Variants in ZNHIT3 observed in about 807,000 individuals in gnomAD.
ZNHIT3 encodes the protein zinc finger HIT domain-containing protein 3.
In ZNHIT3, 27 loss-of-function variants were observed where a neutral mutation model predicts 19.9. The observed-to-expected ratio is 1.36, with a 90% confidence interval of 1.00 to 1.87. The LOEUF is 1.87. Among genes scored for constraint, ZNHIT3 ranks in the 40% most tolerant of loss-of-function variants. The probability of loss-of-function intolerance (pLI) is 0.00; values close to 1 mark genes in which losing one functional copy is unlikely to be tolerated. For synonymous variants in ZNHIT3, 81 were observed against 65.7 expected (o/e 1.23, Z -1.13); for missense variants, 215 against 185.6 (o/e 1.16, Z -0.92).
chr17:36,487,342 CTAACTT>C (rs1432351697), intron 2 of ZNHIT3, among the ~76,000 whole-genome samples: 2 of 152,224 alleles, frequency 1.3e-5, no homozygotes, highest in Non-Finnish European at 2.9e-5. Context: ...TGAAACTGCG[CTAACTT>C]TAACAGTATT....
chr17:36,498,003 GGA>G, downstream of ZNHIT3: 1 of 478,858 alleles, frequency 2.1e-6, no homozygotes, highest in Admixed American at 3.6e-5. Flanking sequence ...CATTGCATTT[GGA>G]AATGGGACTA....
intron 2 of ZNHIT3, among the ~76,000 whole-genome samples, chr17:36,488,655 A>T (rs1013923173): frequency 2.2e-5 from 3 of 134,872 alleles, no homozygotes; most frequent in African/African-American, 7.3e-5. Context: ...CATTATTTAT[A>T]TAAAGCCTCC....
downstream of ZNHIT3, chr17:36,498,092 C>A: frequency 3.1e-6 from 2 of 637,968 alleles, no homozygotes; most frequent in Non-Finnish European, 5.1e-6. Context: ...CCAGTTATAA[C>A]AAAATAAATA....
In ZNHIT3 at chr17:36,495,352, TTGCAGAC is replaced by T. The variant is rs2070880575; in HGVS notation, c.420_426del (p.Asp141ValfsTer2). The T allele has an allele frequency of 6.2e-7, 1 of 1,612,832 alleles. No homozygotes were observed. Among genetic ancestry groups the T allele is most frequent in the Admixed American group, 1.7e-5 (1 of 59,568 alleles). On this transcript the variant is annotated frameshift_variant, in exon 5 of 5. Transcript: ENST00000617429. LOFTEE classifies it high-confidence loss of function. ...ATGCAAGAGCCTTTGTTTGTGGAGT[TTGCAGAC>T]TGCTGTTTAGGAATTGTGGAGCCAT...
chr17:36,495,099 A>G, intron 4 of ZNHIT3, 124 bp from the exon 5 acceptor site: 2 of 1,217,838 alleles, frequency 1.6e-6, no homozygotes, highest in Non-Finnish European at 2.2e-6. Context: ...TGCTGGTATT[A>G]CAGGCATGAG....
At chr17:36,487,225 C>A (rs56072450) in intron 2 of ZNHIT3, among the ~76,000 whole-genome samples, 31 of 152,110 alleles carry the variant, frequency 2.0e-4, no homozygotes, top group African/African-American at 2.4e-5. Flanking sequence ...TCTCCTTCTG[C>A]GTGTTACTCT....
Position 36,495,547 on chromosome 17 carries a change from C to G in ZNHIT3, c.*143C>G. 1 of 1,336,942 alleles carries G rather than the reference C, an allele frequency of 7.5e-7. No homozygotes were observed. Among genetic ancestry groups the G allele is most frequent in the Non-Finnish European group, 9.5e-7 (1 of 1,047,176 alleles). The allele number at this position is 1,336,942 out of a possible 1,614,324, so 82.8% of individuals were successfully genotyped here. On this transcript the variant is annotated 3_prime_UTR_variant, in exon 5 of 5. Coordinates refer to ENST00000617429, the MANE Select transcript of ZNHIT3 (RefSeq NM_004773.4). ...GCAGATTAGGTCATGCAGGCCTTTA[C>G]CGGCATTGATGTGGCTCATGTTTCA...
downstream of ZNHIT3, chr17:36,498,943 G>T: frequency 1.5e-6 from 1 of 680,788 alleles, no homozygotes; most frequent in Non-Finnish European, 2.6e-6. Context: ...TGAGGAATAT[G>T]AGGCTCAGAG....
chr17:36,486,908 C>T (rs1423242383), intron 1 of ZNHIT3, 27 bp from the exon 2 acceptor site: 13 of 1,603,056 alleles, frequency 8.1e-6, no homozygotes, highest in Non-Finnish European at 1.1e-5. Context: ...TCGGGGCTGA[C>T]GCGGCCTGTG....
rs1196765887 is a variant in ZNHIT3 at position 36,492,809 on chromosome 17, T to C, written c.119-4T>C. On this transcript the variant is annotated splice_region_variant and splice_polypyrimidine_tract_variant and intron_variant, in intron 2 of 4. Transcript: ENST00000617429. The stretch of plus-strand genomic sequence containing the variant: ...TGTGGGCCTGGGATTTGTGTCTTTT[T>C]CAGAACAGTGCAACCCTGAAACTCG... 3.7e-6 allele frequency: 6 copies of C among 1,613,486 alleles called. No individual in the cohort carries two copies. In the African/African-American group the frequency reaches 8.0e-5, roughly 22 times the overall value.
chr17:36,495,924 A>G, downstream of ZNHIT3: 1 of 1,130,762 alleles, frequency 8.8e-7, no homozygotes, highest in Non-Finnish European at 1.1e-6. Flanking sequence ...AAAAGTGCTT[A>G]TGTGGAATTG....
At chr17:36,493,234 T>C in intron 3 of ZNHIT3, 1 of 362,948 alleles carries the variant, frequency 2.8e-6, no homozygotes, top group Non-Finnish European at 5.0e-6. Context: ...GCTGGGACTG[T>C]CAGTTCACCT....
chr17:36,495,843 A>AAAT, downstream of ZNHIT3: 1 of 1,241,910 alleles, frequency 8.1e-7, no homozygotes, highest in African/African-American at 1.5e-5. Context: ...TTTTTAAAGG[A>AAAT]AATAACCACA....
Position 36,486,771 on chromosome 17 carries a change from C to A in ZNHIT3, c.72C>A (p.Ala24=). 1 of 1,613,072 alleles carries A rather than the reference C, an allele frequency of 6.2e-7. No individual in the cohort carries two copies. The highest frequency in any genetic ancestry group is 8.5e-7 in the Non-Finnish European group (1 of 1,179,630). ...AGAAGCCCAAATACCGCTGTCCAGCCTGCCGCGTGCCCTAGTGAGCGGGGA... is the reference window on the plus strand; with the variant it reads ...AGAAGCCCAAATACCGCTGTCCAGCATGCCGCGTGCCCTAGTGAGCGGGGA... ...CLEKPKYRCP[A]CRVPYCSVVC... Residue 24 remains alanine, a synonymous_variant, in exon 1 of 5, where the codon GCC becomes GCA. Coordinates refer to ENST00000617429, the MANE Select transcript of ZNHIT3 (RefSeq NM_004773.4).
chr17:36,492,924 T>A (rs2070760621), intron 3 of ZNHIT3, 25 bp downstream of exon 3: 1 of 1,604,178 alleles, frequency 6.2e-7, no homozygotes, highest in African/African-American at 1.3e-5. Context: ...TTCAAACAAA[T>A]CTACAAGGGA....
chr17:36,494,766 G>A (rs965364529), intron 4 of ZNHIT3, among the ~76,000 whole-genome samples: 1 of 152,172 alleles, frequency 6.6e-6, no homozygotes, highest in African/African-American at 2.4e-5. Context: ...GGCATGCTTA[G>A]ACATCATTCA....
intron 3 of ZNHIT3, 149 bp from the exon 4 acceptor site, chr17:36,493,777 G>A (rs1386233180): frequency 1.6e-6 from 1 of 621,374 alleles, no homozygotes; most frequent in African/African-American, 1.8e-5. Flanking sequence ...AGACTCCGGA[G>A]AAGAGGATTT....
At chr17:36,496,223 G>C (rs778874701), downstream of ZNHIT3, 8 of 1,611,828 alleles carry the variant, frequency 5.0e-6, no homozygotes, top group South Asian at 8.8e-5. Flanking sequence ...GGCAGGAAAA[G>C]GCCTTGTGGA....
In ZNHIT3 at chr17:36,492,840, T is replaced by G. The variant is rs2070758450; in HGVS notation, c.146T>G (p.Val49Gly). 1 of 1,613,992 alleles carries G rather than the reference T, an allele frequency of 6.2e-7. No individual in the cohort carries two copies. The highest frequency in any genetic ancestry group is 1.7e-5 in the Admixed American group (1 of 59,982). ...KEQCNPETRP[V>G]EKKIRSALPT... ...CAGTGCAACCCTGAAACTCGTCCTG[T>G]TGAGAAAAAAATAAGATCAGCTCTT... The change falls in exon 3 of 5, where the codon GTT (valine) becomes GGT (glycine). Residue 49 changes from valine (V) to glycine (G), a missense_variant. Coordinates refer to ENST00000617429, the MANE Select transcript of ZNHIT3 (RefSeq NM_004773.4).
Sources: gnomAD v4.1 joint callset for allele counts (sites outside exome capture counted in the v4.1 genomes callset) on GRCh38, gnomAD v4.1.1 for gene constraint, MANE v1.5 for transcripts, NCBI Gene and HGNC (gene_info 2026-07-23, HGNC 2026-07-21) for gene names.